Variants in HERC4 observed in about 807,000 individuals in gnomAD.
The protein encoded by HERC4 is HECT and RLD domain containing E3 ubiquitin protein ligase 4.
A neutral mutation model predicts 124.3 loss-of-function variants in HERC4; 28 were observed. The observed-to-expected ratio is 0.23, with a 90% CI of 0.17 to 0.31. The LOEUF (loss-of-function observed/expected upper bound fraction) is 0.31. Among genes scored for constraint, HERC4 ranks in the 10% least tolerant of loss-of-function variants. HERC4 has a pLI of 1.00. For synonymous variants in HERC4, 407 were observed against 421.5 expected (o/e 0.97, Z 0.42); for missense variants, 713 against 1,229.3 (o/e 0.58, Z 6.28).
At chr10:67,996,031 C>T (rs78270106) in intron 9 of HERC4, 4 of 351,852 alleles carry the variant, frequency 1.1e-5, no homozygotes, top group African/African-American at 2.2e-5. Flanking sequence ...CTCCGCTGGG[C>T]ACAGTAGCTC....
chr10:68,059,432 C>A (rs938404262), intron 3 of HERC4, among the ~76,000 whole-genome samples: 2 of 99,208 alleles, frequency 2.0e-5, no homozygotes, highest in Admixed American at 1.1e-4. Context: ...TTGTTTCTCT[C>A]GCTATTATAA....
Position 67,923,154 on chromosome 10 carries a change from A to G in HERC4, c.2942-15T>C. 1.2e-6 allele frequency: 2 copies of G among 1,601,594 alleles called. No homozygotes were observed. The highest frequency in any genetic ancestry group is 1.7e-6 in the Non-Finnish European group (2 of 1,170,130). ...TGTCAAAAATACTGCCAAGAAAGAAATCATTCAGTCAACCACTTCAAAACA... is the reference window on the plus strand; with the variant it reads ...TGTCAAAAATACTGCCAAGAAAGAAGTCATTCAGTCAACCACTTCAAAACA... On this transcript the variant is annotated splice_polypyrimidine_tract_variant and intron_variant, in intron 24 of 24. Coordinates refer to ENST00000373700, the MANE Select transcript of HERC4 (RefSeq NM_015601.4).
rs193150903 is a variant in HERC4, at chr10:67,923,235, T to C, written c.2942-96A>G. On this transcript the variant is annotated intron_variant, in intron 24 of 24. Coordinates refer to ENST00000373700, the MANE Select transcript of HERC4 (RefSeq NM_015601.4). ...CAGTCGCTACAGCAGAGCTTCACTT[T>C]AACATCTGCTCTAACGTGTTATCTT... The C allele has an allele frequency of 2.0e-5, 17 of 863,922 alleles. No homozygotes were observed. In the African/African-American group the frequency reaches 2.5e-4, roughly 13 times the overall value. 53.5% of individuals were successfully genotyped at this position (863,922 alleles called of 1,614,324 possible). A position where few individuals can be genotyped will look rare whatever the true frequency, so the allele number is the denominator to read the frequency against.
intron 4 of HERC4, chr10:68,040,649 G>C (rs765722367): frequency 5.6e-6 from 1 of 179,232 alleles, no homozygotes; most frequent in Non-Finnish European, 1.1e-5. Context: ...CCAGCATTTT[G>C]GGAGGCCAAG....
chr10:67,969,365 T>G (rs1192419025), intron 15 of HERC4, among the ~76,000 whole-genome samples: 1 of 152,064 alleles, frequency 6.6e-6, no homozygotes, highest in Non-Finnish European at 1.5e-5. Context: ...GGTAGCTTGA[T>G]AGTATGAAAC....
intron 8 of HERC4, among the ~76,000 whole-genome samples, chr10:68,021,242 A>G (rs2038605697): frequency 6.6e-6 from 1 of 152,238 alleles, no homozygotes; most frequent in South Asian, 2.1e-4. Flanking sequence ...AACTGAATTC[A>G]GCAGCACACT....
chr10:68,060,582 A>T (rs1050688752), intron 3 of HERC4, among the ~76,000 whole-genome samples: 1 of 152,134 alleles, frequency 6.6e-6, no homozygotes, highest in Non-Finnish European at 1.5e-5. Context: ...ATTTCTCTCC[A>T]ATTATATGGT....
intron 9 of HERC4, chr10:67,994,313 G>T (rs939183865): frequency 1.3e-5 from 2 of 152,154 alleles, no homozygotes. Flanking sequence ...AAATGTGATT[G>T]TGCCCTCTAT....
intron 3 of HERC4, among the ~76,000 whole-genome samples, chr10:68,045,022 C>G (rs900961398): frequency 6.6e-6 from 1 of 152,114 alleles, no homozygotes; most frequent in South Asian, 2.1e-4. Flanking sequence ...TGAAGTGATT[C>G]TGAAATTAAG....
chr10:68,066,596 G>A (rs2041314404), intron 3 of HERC4, among the ~76,000 whole-genome samples: 4 of 152,182 alleles, frequency 2.6e-5, no homozygotes, highest in Admixed American at 2.6e-4. Context: ...ATGCATCTTA[G>A]AGAGAGATGC....
At chr10:68,069,023 C>A in intron 3 of HERC4, 2 of 983,374 alleles carry the variant, frequency 2.0e-6, no homozygotes, top group Non-Finnish European at 2.4e-6. Flanking sequence ...CAGAACACCA[C>A]TTTATTTACA....
intron 15 of HERC4, among the ~76,000 whole-genome samples, chr10:67,985,199 T>A (rs1461195874): frequency 6.6e-6 from 1 of 152,146 alleles, no homozygotes; most frequent in African/African-American, 2.4e-5. Context: ...GTACTTACCA[T>A]GCTGTAACAT....
chr10:68,005,207 A>T (rs1397532561), intron 9 of HERC4, among the ~76,000 whole-genome samples: 2 of 152,094 alleles, frequency 1.3e-5, no homozygotes, highest in Non-Finnish European at 2.9e-5. Context: ...CGCTTTGTAT[A>T]TCTGGGTTTT....
At chr10:68,068,906 G>T (rs78568733) in intron 3 of HERC4, 2 of 288,664 alleles carry the variant, frequency 6.9e-6, no homozygotes, top group African/African-American at 2.3e-5. Context: ...CATGATACCT[G>T]CCTTAGCTAC....
At chr10:68,059,726 TATATATCATAATATTATATATTATA>T (rs2040842395) in intron 3 of HERC4, among the ~76,000 whole-genome samples, 2 of 53,400 alleles carry the variant, frequency 3.7e-5, no homozygotes, top group Admixed American at 3.2e-4. Context: ...TATTATATAT[TATATATCATAATATTATATATTATA>T]ATATTATATA....
chr10:67,948,641 C>T (rs1489272320), intron 19 of HERC4, among the ~76,000 whole-genome samples: 1 of 152,154 alleles, frequency 6.6e-6, no homozygotes, highest in East Asian at 1.9e-4. Flanking sequence ...TAAAAGTAGG[C>T]CAGGCATGGT....
At chr10:68,038,000 A>G in intron 5 of HERC4, 93 bp downstream of exon 5, 1 of 710,004 alleles carries the variant, frequency 1.4e-6, no homozygotes, top group Non-Finnish European at 2.4e-6. Flanking sequence ...GCAATCTTGC[A>G]GAAAGATGAG....
At chr10:68,064,680 T>G (rs2041211627) in intron 3 of HERC4, among the ~76,000 whole-genome samples, 1 of 151,574 alleles carries the variant, frequency 6.6e-6, no homozygotes, top group Non-Finnish European at 1.5e-5. Context: ...GGAAATAAAT[T>G]CCAAAAAATA....
intron 8 of HERC4, 85 bp from the exon 9 acceptor site, chr10:68,014,271 G>A: frequency 1.6e-6 from 2 of 1,231,254 alleles, no homozygotes; most frequent in Non-Finnish European, 2.2e-6. Context: ...TATCAAAAGA[G>A]GTAATTTTTC....
Sources: allele counts gnomAD v4.1 joint callset (sites outside exome capture counted in the v4.1 genomes callset), GRCh38; gene constraint gnomAD v4.1.1; transcripts MANE v1.5; gene names NCBI Gene and HGNC (gene_info 2026-07-23, HGNC 2026-07-21).